The following VWA8 variants were observed in gnomAD, a reference collection of about 807,000 sequenced individuals.
VWA8 encodes the protein von Willebrand factor A domain-containing protein 8.
VWA8 carries 221 observed loss-of-function variants against 241.5 expected under a neutral mutation model. The observed-to-expected ratio is 0.91, with a 90% CI of 0.82 to 1.02. The LOEUF (loss-of-function observed/expected upper bound fraction) is 1.02, where lower values mean the gene tolerates loss of function less well. Ranked by LOEUF, VWA8 falls within the 50% of genes least tolerant of loss-of-function variation. The probability of loss-of-function intolerance (pLI) is 0.00; values close to 1 mark genes in which losing one functional copy is unlikely to be tolerated. For synonymous variants in VWA8, 852 were observed against 827.1 expected (o/e 1.03, Z -0.52); for missense variants, 2,322 against 2,328.7 (o/e 1.00, Z 0.06).
chr13:41,853,230 G>C (rs971878954), intron 12 of VWA8, among the ~76,000 whole-genome samples: 1 of 152,114 alleles, frequency 6.6e-6, no homozygotes, highest in Non-Finnish European at 1.5e-5. Flanking sequence ...TAGAGGAAAA[G>C]CTTTCAGCTT....
chr13:41,732,183 T>A, intron 21 of VWA8, 28 bp from the exon 22 acceptor site: 1 of 1,591,968 alleles, frequency 6.3e-7, no homozygotes, highest in Non-Finnish European at 8.6e-7. Flanking sequence ...CATTTTATAG[T>A]TAGGAAGGAA....
intron 4 of VWA8, among the ~76,000 whole-genome samples, 155 bp from the exon 5 acceptor site, chr13:41,891,742 A>G (rs923261883): frequency 2.6e-5 from 4 of 152,204 alleles, no homozygotes; most frequent in African/African-American, 9.6e-5. Flanking sequence ...TTTTCTGCCT[A>G]TATGATCTTA....
At chr13:41,830,725 C>T (rs540720785) in intron 13 of VWA8, 83 bp from the exon 14 acceptor site, 11 of 1,199,272 alleles carry the variant, frequency 9.2e-6, no homozygotes, top group African/African-American at 4.5e-5. Flanking sequence ...AGTCAGCCAA[C>T]AGTCTATTAT....
chr13:41,664,389 ATGTGTGTGTG>A (rs3073033), intron 37 of VWA8, among the ~76,000 whole-genome samples: 548 of 137,956 alleles, frequency 4.0e-3, no homozygotes, highest in Middle Eastern at 0.011. Context: ...ACATGCTTTG[ATGTGTGTGTG>A]TGTGTGTGTG....
intron 24 of VWA8, among the ~76,000 whole-genome samples, chr13:41,722,993 C>T (rs2045404974): frequency 1.3e-5 from 2 of 152,042 alleles, no homozygotes; most frequent in Admixed American, 1.3e-4. Context: ...CAATGGGAAG[C>T]CATGGAGGAT....
intron 37 of VWA8, among the ~76,000 whole-genome samples, chr13:41,647,252 GC>G (rs1237633133): frequency 6.6e-6 from 1 of 152,150 alleles, no homozygotes; most frequent in Non-Finnish European, 1.5e-5. Context: ...AGGATCAGAA[GC>G]TTTTGGGAGA....
chr13:41,811,975 C>G (rs770441780), intron 16 of VWA8, among the ~76,000 whole-genome samples: 2 of 152,120 alleles, frequency 1.3e-5, no homozygotes, highest in African/African-American at 4.8e-5. Flanking sequence ...TTTTGGCAGG[C>G]AGCATAACAT....
chr13:41,880,545 A>C (rs536846164), intron 9 of VWA8, among the ~76,000 whole-genome samples: 6 of 152,334 alleles, frequency 3.9e-5, no homozygotes, highest in African/African-American at 1.4e-4. Context: ...TCCAGGATTT[A>C]ATTCAGGAAC....
intron 40 of VWA8, 135 bp from the exon 41 acceptor site, chr13:41,590,900 T>G: frequency 8.9e-7 from 1 of 1,121,714 alleles, no homozygotes; most frequent in African/African-American, 1.5e-5. Context: ...CACAGTCATA[T>G]AAATGAAGTG....
At chr13:41,589,327 T>C (rs1286374310) in intron 41 of VWA8, among the ~76,000 whole-genome samples, 5 of 152,214 alleles carry the variant, frequency 3.3e-5, no homozygotes, top group Non-Finnish European at 5.9e-5. Context: ...TTCAGTTATA[T>C]GATGGACACT....
intron 20 of VWA8, among the ~76,000 whole-genome samples, chr13:41,765,766 G>T (rs1300016989): frequency 6.6e-6 from 1 of 151,950 alleles, no homozygotes; most frequent in East Asian, 1.9e-4. Flanking sequence ...CCATTTATAT[G>T]TAATTTGTAT....
In VWA8 at chr13:41,728,271, T is replaced by C. The variant is rs73466979; in HGVS notation, c.2639-958A>G. ...TTAGTAGTGGAAAATAACAAGGGTA[T>C]GTGGCTACAGGCAAAATTTAATCAA... On this transcript the variant is annotated intron_variant, in intron 23 of 44. Transcript: ENST00000379310. 5.7e-3 allele frequency among the ~76,000 whole-genome samples: 863 copies of C among 152,132 alleles called. 14 individuals carry two copies. Among genetic ancestry groups the C allele is most frequent in the African/African-American group, 0.02 (823 of 41,532 alleles).
intron 4 of VWA8, among the ~76,000 whole-genome samples, chr13:41,895,752 G>A (rs1380658139): frequency 2.6e-5 from 4 of 151,066 alleles, no homozygotes; most frequent in Admixed American, 6.6e-5. Context: ...ACTGTGATAC[G>A]TCCTGTTTGC....
chr13:41,747,268 T>A (rs1430657291), intron 21 of VWA8, among the ~76,000 whole-genome samples: 1 of 152,232 alleles, frequency 6.6e-6, no homozygotes, highest in Admixed American at 6.5e-5. Context: ...TCCTCTTTTA[T>A]TTCATTGAGC....
chr13:41,675,082 C>A (rs1424588747), intron 36 of VWA8, 133 bp downstream of exon 36: 14 of 561,710 alleles, frequency 2.5e-5, no homozygotes, highest in East Asian at 6.4e-5. Flanking sequence ...AGATAGAAAC[C>A]AACTGTAACT....
At chr13:41,651,585 C>T (rs2044869624) in intron 37 of VWA8, among the ~76,000 whole-genome samples, 1 of 152,170 alleles carries the variant, frequency 6.6e-6, no homozygotes, top group Non-Finnish European at 1.5e-5. Flanking sequence ...ACAGACAATA[C>T]ATAAATGAAT....
chr13:41,612,925 GGATTGTCATGAAGC>G (rs1162176135), intron 38 of VWA8, among the ~76,000 whole-genome samples: 1 of 151,944 alleles, frequency 6.6e-6, no homozygotes, highest in African/African-American at 2.4e-5. Flanking sequence ...TTACTTCATG[GGATTGTCATGAAGC>G]TAAAATGCTT....
intron 19 of VWA8, among the ~76,000 whole-genome samples, chr13:41,779,135 C>G (rs11843273): frequency 0.014 from 2,110 of 149,420 alleles, 42 homozygotes; most frequent in African/African-American, 0.048. Flanking sequence ...GCCACCGCAC[C>G]TGGCTGCTTT....
chr13:41,689,538 G>A (rs1389479848), intron 33 of VWA8, 30 bp from the exon 34 acceptor site: 5 of 1,509,996 alleles, frequency 3.3e-6, no homozygotes, highest in Admixed American at 4.3e-5. Flanking sequence ...GACACCATAT[G>A]CTCCTGAAAT....
Sources: gnomAD v4.1 joint callset for allele counts (sites outside exome capture counted in the v4.1 genomes callset) on GRCh38, gnomAD v4.1.1 for gene constraint, MANE v1.5 for transcripts, NCBI Gene and HGNC (gene_info 2026-07-23, HGNC 2026-07-21) for gene names.